The following KLHL13 variants were observed in gnomAD, a reference collection of about 807,000 sequenced individuals.
KLHL13 encodes kelch-like protein 13.
Under a neutral mutation model 37.1 loss-of-function variants are expected in KLHL13, and 10 were observed. That is an observed-to-expected ratio of 0.27 (90% CI 0.17 to 0.46). The LOEUF is 0.46. Ranked by LOEUF, KLHL13 falls within the 20% of genes least tolerant of loss-of-function variation. KLHL13 has a pLI of 1.00. For synonymous variants in KLHL13, 163 were observed against 181.2 expected (o/e 0.90, Z 0.81); for missense variants, 360 against 509.3 (o/e 0.71, Z 2.82).
At chrX:118,025,333 T>C (rs1431201981) in intron 1 of KLHL13, among the ~76,000 whole-genome samples, 2 of 111,531 alleles carry the variant, frequency 1.8e-5, no homozygotes, top group African/African-American at 6.5e-5. Flanking sequence ...AATAAACAAT[T>C]TATAAGTTTT....
intron 1 of KLHL13, among the ~76,000 whole-genome samples, chrX:118,058,872 G>A (rs1277134678): frequency 9.0e-6 from 1 of 111,485 alleles, no homozygotes; most frequent in African/African-American, 3.3e-5. Flanking sequence ...AAAGAAACAA[G>A]TAAAAAAGAG....
At chrX:118,033,469 A>C (rs766624343) in intron 1 of KLHL13, among the ~76,000 whole-genome samples, 225 of 111,233 alleles carry the variant, frequency 2.0e-3, no homozygotes, top group African/African-American at 6.9e-3. Flanking sequence ...TTCAACCCAG[A>C]ATTTCATATC....
At chrX:117,999,682 T>TA (rs2053898215) in intron 1 of KLHL13, among the ~76,000 whole-genome samples, 1 of 109,503 alleles carries the variant, frequency 9.1e-6, no homozygotes, top group Admixed American at 9.7e-5. Flanking sequence ...CCCTAAAACT[T>TA]AAAGTATAAT....
rs6646093 is a variant in KLHL13, at chrX:118,110,617, T to C, written c.-56+5891A>G. Among the ~76,000 whole-genome samples the C allele has an allele frequency of 8.2e-3, 902 of 110,546 alleles. 10 individuals carry two copies. Among genetic ancestry groups the C allele is most frequent in the African/African-American group, 0.026 (794 of 30,455 alleles). ...TGGTCTCGATCTCCTAACCTTATCA[T>C]CCGCCCGCCTCGGCCTCCTTAAGTG... is the stretch of plus-strand genomic sequence containing the variant. On this transcript the variant is annotated intron_variant, in intron 1 of 6. Transcript: ENST00000371882.
chrX:117,959,733 T>C (rs180900351), intron 1 of KLHL13, among the ~76,000 whole-genome samples: 40 of 111,739 alleles, frequency 3.6e-4, no homozygotes, highest in Non-Finnish European at 6.4e-4. Flanking sequence ...TTAAGATAAT[T>C]ATGCACATTA....
intron 1 of KLHL13, among the ~76,000 whole-genome samples, chrX:118,043,900 A>G (rs1186866684): frequency 8.9e-6 from 1 of 111,909 alleles, no homozygotes; most frequent in Non-Finnish European, 1.9e-5. Context: ...TAGAGCAACC[A>G]GACAAGAGAA....
intron 1 of KLHL13, among the ~76,000 whole-genome samples, chrX:118,006,459 T>C: frequency 9.0e-6 from 1 of 111,728 alleles, no homozygotes; most frequent in Middle Eastern, 4.6e-3. Flanking sequence ...GATCTCACCT[T>C]TGAATATCAG....
In KLHL13 at chrX:117,942,777, C is replaced by T. The variant is rs749439875; in HGVS notation, c.240+2657G>A. 3.6e-5 allele frequency among the ~76,000 whole-genome samples: 4 copies of T among 110,822 alleles called. No individual in the cohort carries two copies. In the South Asian group the frequency reaches 1.5e-3, roughly 43 times the overall value. ...CAGCACACCGATGGGCCTTGTCTAT[C>T]CAATTTGCCAGTCTGTGTCTTTTAA... On this transcript the variant is annotated intron_variant, in intron 2 of 6. Coordinates refer to ENST00000262820, the Ensembl canonical transcript of KLHL13.
chrX:117,966,307 C>G (rs922371300), intron 1 of KLHL13, among the ~76,000 whole-genome samples: 2 of 111,400 alleles, frequency 1.8e-5, no homozygotes, highest in Non-Finnish European at 1.9e-5. Flanking sequence ...CTCCCATTCA[C>G]AATTGCTTCA....
chrX:118,098,163 T>A (rs1439563568), intron 1 of KLHL13, among the ~76,000 whole-genome samples: 1 of 111,026 alleles, frequency 9.0e-6, no homozygotes, highest in Non-Finnish European at 1.9e-5. Flanking sequence ...TGGGAGAAAA[T>A]TTTTGCAACC....
chrX:117,995,034 C>T (rs372536861), intron 1 of KLHL13, among the ~76,000 whole-genome samples: 7 of 111,721 alleles, frequency 6.3e-5, no homozygotes, highest in Admixed American at 2.8e-4. Flanking sequence ...GGCAATAGAG[C>T]GAGACTCTGT....
intron 1 of KLHL13, among the ~76,000 whole-genome samples, chrX:117,994,548 A>C (rs2147953293): frequency 8.9e-6 from 1 of 111,777 alleles, no homozygotes; most frequent in Non-Finnish European, 1.9e-5. Flanking sequence ...CACTACACCC[A>C]GAAGCCTATT....
chrX:117,957,672 GACATAAATGTAAAT>G (rs1373633809), intron 1 of KLHL13, among the ~76,000 whole-genome samples: 2 of 111,177 alleles, frequency 1.8e-5, no homozygotes, highest in Non-Finnish European at 3.8e-5. Flanking sequence ...AAAAATTCAG[GACATAAATGTAAAT>G]ACTTTTTTGA....
chrX:117,967,849 A>G (rs947562315), intron 1 of KLHL13, among the ~76,000 whole-genome samples: 2 of 112,211 alleles, frequency 1.8e-5, no homozygotes, highest in Non-Finnish European at 3.8e-5. Flanking sequence ...ATAAACACAG[A>G]CAGTGAGGAG....
chrX:118,099,840 A>G (rs1220601102), intron 1 of KLHL13, among the ~76,000 whole-genome samples: 1 of 105,027 alleles, frequency 9.5e-6, no homozygotes, highest in Non-Finnish European at 2.0e-5. Context: ...AGAAGAAAGG[A>G]AGGAAGGAAA....
chrX:117,986,919 G>A (rs1334273943), intron 1 of KLHL13, among the ~76,000 whole-genome samples: 2 of 111,739 alleles, frequency 1.8e-5, no homozygotes, highest in Non-Finnish European at 3.8e-5. Flanking sequence ...TAAGGCAAAG[G>A]TCAGAGCCTC....
At chrX:117,998,038 A>G (rs2147960285) in intron 1 of KLHL13, among the ~76,000 whole-genome samples, 1 of 111,183 alleles carries the variant, frequency 9.0e-6, no homozygotes, top group South Asian at 4.0e-4. Context: ...AGACGCAGGG[A>G]AGCCAAAAGC....
chrX:118,021,554 A>G (rs1420191378), intron 1 of KLHL13, among the ~76,000 whole-genome samples: 1 of 110,109 alleles, frequency 9.1e-6, no homozygotes, highest in African/African-American at 3.3e-5. Flanking sequence ...CCATGTCCCT[A>G]CAAAGGACAT....
intron 1 of KLHL13, among the ~76,000 whole-genome samples, chrX:118,049,895 T>A (rs2054595818): frequency 8.9e-6 from 1 of 111,917 alleles, no homozygotes. Flanking sequence ...GACACACTCT[T>A]CTCAACAATT....
Sources: allele counts gnomAD v4.1 joint callset (sites outside exome capture counted in the v4.1 genomes callset), GRCh38; gene constraint gnomAD v4.1.1; transcripts MANE v1.5; gene names NCBI Gene and HGNC (gene_info 2026-07-23, HGNC 2026-07-21).